The following LRBA variants were observed in gnomAD, a reference collection of about 807,000 sequenced individuals.
LRBA encodes the protein lipopolysaccharide-responsive and beige-like anchor protein.
A neutral mutation model predicts 330.0 loss-of-function variants in LRBA; 176 were observed. The observed-to-expected ratio is 0.53, with a 90% CI of 0.47 to 0.60. The LOEUF is 0.60. Ranked by LOEUF, LRBA falls within the 20% of genes least tolerant of loss-of-function variation. The pLI is 0.00. For missense variants in LRBA, 3,259 were observed against 3,444.8 expected (o/e 0.95, Z 1.35); for synonymous variants, 1,230 against 1,193.0 (o/e 1.03, Z -0.64).
intron 47 of LRBA, among the ~76,000 whole-genome samples, chr4:150,361,154 T>C (rs1738626240): frequency 6.6e-6 from 1 of 152,220 alleles, no homozygotes; most frequent in African/African-American, 2.4e-5. Context: ...TAGTAGCAGA[T>C]AACGAGTCTC....
intron 36 of LRBA, among the ~76,000 whole-genome samples, chr4:150,728,559 C>A (rs1438031841): frequency 6.6e-6 from 1 of 151,298 alleles, no homozygotes; most frequent in Non-Finnish European, 1.5e-5. Context: ...ATCAATCAAT[C>A]AATGTGATAC....
rs569305083 is a variant in LRBA, at chr4:150,397,090, T to C, written c.7194+18348A>G. 2.6e-4 allele frequency among the ~76,000 whole-genome samples: 40 copies of C among 152,302 alleles called. 1 individual carries two copies. Among genetic ancestry groups the C allele is most frequent in the Admixed American group, 1.9e-3 (29 of 15,304 alleles). On this transcript the variant is annotated intron_variant, in intron 47 of 56. Transcript: ENST00000651943. ...TAGGTGTATGTCCTTGTAATGTTTT[T>C]ATTACATTGAGATATCATACACATA... is the stretch of plus-strand genomic sequence containing the variant.
chr4:150,299,800 A>C (rs1729425747), intron 53 of LRBA, among the ~76,000 whole-genome samples: 1 of 152,040 alleles, frequency 6.6e-6, no homozygotes, highest in Admixed American at 6.5e-5. Context: ...CCCTTCAAGA[A>C]AGAAAAAGTC....
At position 150,893,167 on chromosome 4, in the gene LRBA, ATTTT is replaced by A. The variant is rs752373103; in HGVS notation, c.2068-22_2068-19del. ...TTGTCATCCTATAATCATTTTAGAA[ATTTT>A]TTTTAAAAAATGAGGAAAAAACAAC... On this transcript the variant is annotated intron_variant, in intron 16 of 56. Coordinates refer to ENST00000651943, the MANE Select transcript of LRBA (RefSeq NM_001364905.1). The A allele has an allele frequency of 4.7e-6, 7 of 1,501,318 alleles. No homozygotes were observed. The highest frequency in any genetic ancestry group is 6.4e-6 in the Non-Finnish European group (7 of 1,098,576). The allele number at this position is 1,501,318 out of a possible 1,614,324, so 93.0% of individuals were successfully genotyped here.
intron 22 of LRBA, among the ~76,000 whole-genome samples, chr4:150,853,253 T>C (rs999924640): frequency 6.6e-6 from 1 of 152,188 alleles, no homozygotes; most frequent in African/African-American, 2.4e-5. Flanking sequence ...CCATAACTTG[T>C]ACCAGAATTT....
At chr4:150,979,964 T>C (rs1324941817) in intron 2 of LRBA, among the ~76,000 whole-genome samples, 2 of 152,138 alleles carry the variant, frequency 1.3e-5, no homozygotes, top group East Asian at 1.9e-4. Flanking sequence ...TCCAAACTCA[T>C]TCAACATGGC....
intron 25 of LRBA, 41 bp from the exon 26 acceptor site, chr4:150,849,039 G>A (rs1008592704): frequency 7.3e-7 from 1 of 1,364,454 alleles, no homozygotes; most frequent in Non-Finnish European, 9.9e-7. Context: ...TATATATTCT[G>A]AAAAAAAAAT....
chr4:150,300,583 G>A (rs537674653), intron 53 of LRBA, among the ~76,000 whole-genome samples: 2 of 152,046 alleles, frequency 1.3e-5, no homozygotes, highest in African/African-American at 2.4e-5. Flanking sequence ...AAGACAGAAG[G>A]ACCACAGCAA....
chr4:150,662,661 T>C (rs1781225165), intron 37 of LRBA, among the ~76,000 whole-genome samples: 1 of 152,158 alleles, frequency 6.6e-6, no homozygotes, highest in Admixed American at 6.5e-5. Context: ...GATGAGTATA[T>C]TTCACTCCAA....
At chr4:150,442,102 T>C (rs1361447900) in intron 44 of LRBA, among the ~76,000 whole-genome samples, 1 of 152,106 alleles carries the variant, frequency 6.6e-6, no homozygotes, top group Non-Finnish European at 1.5e-5. Context: ...GGTAAGAAAG[T>C]TCTGGGAAAT....
At chr4:150,784,135 G>A (rs1738671297) in intron 34 of LRBA, among the ~76,000 whole-genome samples, 1 of 152,156 alleles carries the variant, frequency 6.6e-6, no homozygotes, top group South Asian at 2.1e-4. Context: ...TATCCAAGGT[G>A]ATTTGATACG....
chr4:150,480,664 A>G (rs1224914874), intron 42 of LRBA, among the ~76,000 whole-genome samples: 1 of 152,168 alleles, frequency 6.6e-6, no homozygotes, highest in Non-Finnish European at 1.5e-5. Context: ...TTATCTTTCA[A>G]TAATTGTGAT....
intron 48 of LRBA, among the ~76,000 whole-genome samples, chr4:150,346,783 A>AAAAAAAAAAAAAAAAAC (rs1736408222): frequency 7.5e-6 from 1 of 133,586 alleles, no homozygotes; most frequent in African/African-American, 2.6e-5. Context: ...AAAAAAAAAA[A>AAAAAAAAAAAAAAAAAC]AAAACACTTA....
chr4:150,978,978 A>G lies in LRBA; in HGVS notation c.216+35449T>C, dbSNP rs553745120. Among the ~76,000 whole-genome samples the G allele has an allele frequency of 2.2e-4, 33 of 152,328 alleles. 2 individuals carry two copies. In the South Asian group the frequency reaches 5.6e-3, roughly 26 times the overall value. On this transcript the variant is annotated intron_variant, in intron 2 of 56. Coordinates refer to ENST00000651943, the MANE Select transcript of LRBA (RefSeq NM_001364905.1). ...AAATAGGGGTAGAAAGTCTATTCAA[A>G]GGGATAATAACAGAGAACTTTGCAA...
chr4:150,409,632 C>T (rs1334431902), intron 47 of LRBA, among the ~76,000 whole-genome samples: 3 of 152,090 alleles, frequency 2.0e-5, no homozygotes, highest in African/African-American at 4.8e-5. Flanking sequence ...TGGTCCTTTG[C>T]TCTTTAAAAT....
At chr4:150,912,356 T>C (rs1219326714) in intron 9 of LRBA, among the ~76,000 whole-genome samples, 2 of 152,186 alleles carry the variant, frequency 1.3e-5, no homozygotes, top group Non-Finnish European at 2.9e-5. Context: ...AACCCTATTG[T>C]GAACTGCACA....
At chr4:150,489,804 C>T (rs1262636577) in intron 41 of LRBA, among the ~76,000 whole-genome samples, 1 of 140,330 alleles carries the variant, frequency 7.1e-6, no homozygotes, top group African/African-American at 2.6e-5. Context: ...TTTAGATAAG[C>T]CTCCTTTACA....
intron 48 of LRBA, among the ~76,000 whole-genome samples, chr4:150,338,461 A>C (rs1044081874): frequency 2.6e-5 from 4 of 152,208 alleles, no homozygotes; most frequent in African/African-American, 9.6e-5. Flanking sequence ...TGTTCATATT[A>C]AGGTTGTCTG....
chr4:150,337,544 T>C (rs1734917038), intron 48 of LRBA, among the ~76,000 whole-genome samples: 2 of 152,218 alleles, frequency 1.3e-5, no homozygotes, highest in Non-Finnish European at 2.9e-5. Context: ...ATTTTAAATG[T>C]AGGTTTTCAA....
Sources: gnomAD v4.1 joint callset for allele counts (sites outside exome capture counted in the v4.1 genomes callset) on GRCh38, gnomAD v4.1.1 for gene constraint, MANE v1.5 for transcripts, NCBI Gene and HGNC (gene_info 2026-07-23, HGNC 2026-07-21) for gene names.